PTPRM: variants seen among roughly 807,000 people sequenced by gnomAD.
PTPRM encodes protein tyrosine phosphatase receptor type M, also known as receptor-type tyrosine-protein phosphatase mu.
Under a neutral mutation model 186.7 loss-of-function variants are expected in PTPRM, and 47 were observed. That is an observed-to-expected ratio of 0.25 (90% CI 0.20 to 0.32). The LOEUF (loss-of-function observed/expected upper bound fraction) is 0.32, where lower values mean the gene tolerates loss of function less well. Ranked by LOEUF, PTPRM falls within the 10% of genes least tolerant of loss-of-function variation. The pLI is 1.00. For missense variants in PTPRM, 1,494 were observed against 1,865.0 expected, an observed-to-expected ratio of 0.80 and a Z score of 3.66; for synonymous variants, 668 against 674.9, an observed-to-expected ratio of 0.99 and a Z score of 0.16.
chr18:8,194,902 T>G (rs1476722516), intron 14 of PTPRM, among the ~76,000 whole-genome samples: 1 of 152,182 alleles, frequency 6.6e-6, no homozygotes, highest in African/African-American at 2.4e-5. Flanking sequence ...CCTCTTTTAT[T>G]CTTGTAAGGA....
intron 7 of PTPRM, among the ~76,000 whole-genome samples, chr18:7,956,539 G>C (rs564575047): frequency 2.6e-5 from 4 of 152,340 alleles, no homozygotes; most frequent in African/African-American, 9.6e-5. Flanking sequence ...TTAGTAGACT[G>C]TGTACTTTGC....
chr18:7,766,733 C>G (rs994431563), intron 1 of PTPRM, among the ~76,000 whole-genome samples: 1 of 152,296 alleles, frequency 6.6e-6, no homozygotes, highest in Admixed American at 6.5e-5. Flanking sequence ...CTCTCCTGTA[C>G]CCTCTACTGA....
At chr18:8,300,854 G>A (rs545897064) in intron 20 of PTPRM, among the ~76,000 whole-genome samples, 5 of 152,294 alleles carry the variant, frequency 3.3e-5, no homozygotes, top group Admixed American at 2.6e-4. Flanking sequence ...ATGGCGTCCT[G>A]AAGCCCTTCC....
chr18:7,865,064 C>T (rs1323274162), intron 2 of PTPRM, among the ~76,000 whole-genome samples: 3 of 152,302 alleles, frequency 2.0e-5, no homozygotes, highest in East Asian at 3.9e-4. Context: ...TGAGACTTTG[C>T]TGAAGTTGCT....
At chr18:8,265,438 A>G (rs765111945) in intron 19 of PTPRM, among the ~76,000 whole-genome samples, 3 of 152,224 alleles carry the variant, frequency 2.0e-5, no homozygotes, top group Non-Finnish European at 4.4e-5. Flanking sequence ...CTGCCAACCA[A>G]CCTTGCAGCA....
At chr18:7,978,836 A>G (rs1453865186) in intron 7 of PTPRM, among the ~76,000 whole-genome samples, 1 of 152,084 alleles carries the variant, frequency 6.6e-6, no homozygotes, top group African/African-American at 2.4e-5. Flanking sequence ...ATTCTTTCAT[A>G]TAAATTCCAA....
At position 8,290,575 on chromosome 18, in the gene PTPRM, GA is replaced by G. The variant is rs555941296; in HGVS notation, c.2755-5786del. On this transcript the variant is annotated intron_variant, in intron 19 of 32. Coordinates refer to ENST00000580170, the MANE Select transcript of PTPRM (RefSeq NM_001105244.2). ...ATCACAAAAACATGTTTCCTATTCA[GA>G]AAAAAATGACAGTATGCAGGATGTT... Among the ~76,000 whole-genome samples, 718 of 152,152 alleles carry G rather than the reference GA, an allele frequency of 4.7e-3. 3 individuals carry two copies. The highest frequency in any genetic ancestry group is 7.5e-3 in the Non-Finnish European group (513 of 67,994).
chr18:7,842,535 T>G (rs2145848216), intron 2 of PTPRM, among the ~76,000 whole-genome samples: 1 of 152,280 alleles, frequency 6.6e-6, no homozygotes, highest in African/African-American at 2.4e-5. Context: ...TCAGTGGGCT[T>G]GAGTTGAGAT....
intron 19 of PTPRM, among the ~76,000 whole-genome samples, chr18:8,268,715 G>T (rs951198045): frequency 6.6e-6 from 1 of 151,956 alleles, no homozygotes; most frequent in African/African-American, 2.4e-5. Flanking sequence ...ACATTAAAAG[G>T]ATCATACACC....
At chr18:8,160,357 G>A (rs940957920) in intron 14 of PTPRM, among the ~76,000 whole-genome samples, 2 of 152,068 alleles carry the variant, frequency 1.3e-5, no homozygotes, top group African/African-American at 2.4e-5. Context: ...ACACAAGCTC[G>A]CTGCAGCCTC....
intron 19 of PTPRM, among the ~76,000 whole-genome samples, chr18:8,258,118 T>C (rs1157650765): frequency 6.6e-6 from 1 of 152,174 alleles, no homozygotes; most frequent in African/African-American, 2.4e-5. Context: ...AAATGGCATG[T>C]TGTCAACAGA....
intron 20 of PTPRM, among the ~76,000 whole-genome samples, chr18:8,298,815 C>T (rs4371221): frequency 0.44 from 67,560 of 151,920 alleles, 15,854 homozygotes; most frequent in African/African-American, 0.59. Context: ...GATGACTGGT[C>T]CCACTGGCTT....
intron 7 of PTPRM, among the ~76,000 whole-genome samples, chr18:8,056,333 T>G (rs1185631689): frequency 6.6e-6 from 1 of 152,222 alleles, no homozygotes; most frequent in Admixed American, 6.5e-5. Context: ...ATGCAACTCA[T>G]AATCGCACAT....
chr18:8,133,377 T>C (rs1195641100), intron 13 of PTPRM, among the ~76,000 whole-genome samples: 1 of 152,182 alleles, frequency 6.6e-6, no homozygotes, highest in African/African-American at 2.4e-5. Context: ...TCTTAGCATG[T>C]GAGGGCCACA....
chr18:8,338,660 A>C (rs2095454959), intron 22 of PTPRM, among the ~76,000 whole-genome samples: 1 of 152,186 alleles, frequency 6.6e-6, no homozygotes, highest in Non-Finnish European at 1.5e-5. Context: ...GACCTATTTC[A>C]TAGGATGGTG....
chr18:8,133,053 C>T (rs572210516), intron 13 of PTPRM, among the ~76,000 whole-genome samples: 1 of 152,256 alleles, frequency 6.6e-6, no homozygotes, highest in South Asian at 2.1e-4. Context: ...TGACAGAAGG[C>T]AGAAGCAAGC....
intron 14 of PTPRM, among the ~76,000 whole-genome samples, chr18:8,194,221 T>C (rs912213205): frequency 1.3e-5 from 2 of 152,240 alleles, no homozygotes; most frequent in Non-Finnish European, 2.9e-5. Flanking sequence ...ATTTCTGTCT[T>C]CATCCCCTTC....
chr18:7,659,762 T>C (rs1272731341), intron 1 of PTPRM, among the ~76,000 whole-genome samples: 1 of 152,216 alleles, frequency 6.6e-6, no homozygotes, highest in African/African-American at 2.4e-5. Flanking sequence ...CCTCTGGCAA[T>C]GAAGACTCAA....
chr18:8,337,602 A>G (rs1290356405), intron 22 of PTPRM, among the ~76,000 whole-genome samples: 1 of 152,260 alleles, frequency 6.6e-6, no homozygotes, highest in Non-Finnish European at 1.5e-5. Context: ...GAAAATGTGC[A>G]TGGAAAACAC....
Sources: allele counts gnomAD v4.1 joint callset (sites outside exome capture counted in the v4.1 genomes callset), GRCh38; gene constraint gnomAD v4.1.1; transcripts MANE v1.5; gene names NCBI Gene and HGNC (gene_info 2026-07-23, HGNC 2026-07-21).